The following GABRG3 variants were observed in gnomAD, a reference collection of about 807,000 sequenced individuals.
GABRG3 encodes gamma-aminobutyric acid type A receptor subunit gamma3.
In GABRG3, 25 loss-of-function variants were observed where a neutral mutation model predicts 48.8. That is an observed-to-expected ratio of 0.51 (90% CI 0.37 to 0.72). GABRG3 has a LOEUF of 0.72. Ranked by LOEUF, GABRG3 falls within the 30% of genes least tolerant of loss-of-function variation. The pLI, the probability that GABRG3 is intolerant of heterozygous loss-of-function variation, is 0.00. For missense variants in GABRG3, 394 were observed against 577.9 expected, an observed-to-expected ratio of 0.68 and a Z score of 3.26; for synonymous variants, 227 against 217.6, an observed-to-expected ratio of 1.04 and a Z score of -0.38.
intron 3 of GABRG3, among the ~76,000 whole-genome samples, chr15:27,137,014 C>T (rs1207883749): frequency 1.3e-5 from 2 of 152,334 alleles, no homozygotes; most frequent in East Asian, 3.9e-4. Context: ...CTGAACCAAG[C>T]CCCAGCTCTC....
intron 3 of GABRG3, among the ~76,000 whole-genome samples, chr15:27,033,698 A>G (rs185743753): frequency 1.1e-4 from 17 of 152,252 alleles, no homozygotes; most frequent in African/African-American, 3.6e-4. Flanking sequence ...TAAGAGGATG[A>G]TGGTCTTATA....
chr15:27,298,577 AC>A (rs1360835420), intron 3 of GABRG3, among the ~76,000 whole-genome samples: 1 of 152,026 alleles, frequency 6.6e-6, no homozygotes, highest in Non-Finnish European at 1.5e-5. Context: ...GGGATATTTA[AC>A]CTTTTATTTG....
At chr15:27,282,089 TATC>T (rs1302894596) in intron 3 of GABRG3, among the ~76,000 whole-genome samples, 1 of 152,200 alleles carries the variant, frequency 6.6e-6, no homozygotes, top group Non-Finnish European at 1.5e-5. Flanking sequence ...AGAAACCTGT[TATC>T]ATCCAAATCA....
chr15:27,214,317 G>A (rs1377196642), intron 3 of GABRG3, among the ~76,000 whole-genome samples: 1 of 152,258 alleles, frequency 6.6e-6, no homozygotes, highest in Non-Finnish European at 1.5e-5. Context: ...ATGGCCATGA[G>A]ATGCCGACAA....
chr15:26,998,645 AT>A (rs1236028469), intron 2 of GABRG3, among the ~76,000 whole-genome samples: 2 of 152,194 alleles, frequency 1.3e-5, no homozygotes, highest in African/African-American at 4.8e-5. Flanking sequence ...CTTCTGAAAA[AT>A]GGGGCTGGAG....
chr15:27,397,546 T>C (rs1004295524), intron 5 of GABRG3, among the ~76,000 whole-genome samples: 1 of 152,100 alleles, frequency 6.6e-6, no homozygotes, highest in Non-Finnish European at 1.5e-5. Context: ...ACACCATACT[T>C]CCTCTGCCAG....
intron 9 of GABRG3, among the ~76,000 whole-genome samples, chr15:27,529,719 A>C (rs1234101385): frequency 6.6e-6 from 1 of 152,128 alleles, no homozygotes; most frequent in Non-Finnish European, 1.5e-5. Context: ...TGGGACCAAA[A>C]CAGAGGGGAG....
rs180784664 is a variant in GABRG3, at chr15:27,369,337, C to T, written c.574+40449C>T. Among the ~76,000 whole-genome samples, 37 of 152,272 alleles carry T rather than the reference C, an allele frequency of 2.4e-4. No individual in the cohort carries two copies. In the East Asian group the frequency reaches 2.7e-3, roughly 11 times the overall value. On this transcript the variant is annotated intron_variant, in intron 5 of 9. Transcript: ENST00000615808. ...TAAATGACCTTTCAATTAAGGAGAA[C>T]GTGAAGGATAACGAGGAAAATTGCC...
intron 5 of GABRG3, among the ~76,000 whole-genome samples, chr15:27,440,707 G>A (rs1888758426): frequency 6.6e-6 from 1 of 152,162 alleles, no homozygotes; most frequent in South Asian, 2.1e-4. Flanking sequence ...CTATTTTACA[G>A]TTACAGTAGC....
intron 5 of GABRG3, among the ~76,000 whole-genome samples, chr15:27,343,675 G>A (rs1894267123): frequency 6.6e-6 from 1 of 152,188 alleles, no homozygotes; most frequent in Admixed American, 6.5e-5. Context: ...AACTAAGTGG[G>A]TGGTTAGCTC....
intron 5 of GABRG3, among the ~76,000 whole-genome samples, chr15:27,477,542 C>T (rs1889976181): frequency 6.6e-6 from 1 of 152,024 alleles, no homozygotes; most frequent in Admixed American, 6.6e-5. Flanking sequence ...ACGTGCAACA[C>T]CAAAAGGAAA....
intron 3 of GABRG3, among the ~76,000 whole-genome samples, chr15:27,190,745 T>G (rs2140422336): frequency 6.6e-6 from 1 of 152,280 alleles, no homozygotes; most frequent in East Asian, 1.9e-4. Flanking sequence ...GCTCTGATTT[T>G]AGTTATTTCT....
chr15:27,138,520 A>G lies in GABRG3; in HGVS notation c.270+111699A>G, dbSNP rs1270700831. Among the ~76,000 whole-genome samples the G allele has an allele frequency of 2.0e-5, 3 of 152,320 alleles. No individual in the cohort carries two copies. In the East Asian group the frequency reaches 5.8e-4, roughly 29 times the overall value. On this transcript the variant is annotated intron_variant, in intron 3 of 9. Transcript: ENST00000615808. ...CCAAAAGTTTGTAAAATATGTCTCC[A>G]CAGAGTTCTTTACACATGAGTTCTG...
intron 3 of GABRG3, among the ~76,000 whole-genome samples, chr15:27,094,200 A>G (rs1326023297): frequency 2.6e-5 from 4 of 152,122 alleles, no homozygotes; most frequent in African/African-American, 9.7e-5. Flanking sequence ...TTTCCATTTT[A>G]GAGTGAAGGC....
intron 3 of GABRG3, among the ~76,000 whole-genome samples, chr15:27,166,469 C>A (rs574151233): frequency 6.6e-6 from 1 of 152,158 alleles, no homozygotes; most frequent in Admixed American, 6.5e-5. Context: ...CTTCTTCTTC[C>A]AAGCTTGAGA....
intron 2 of GABRG3, among the ~76,000 whole-genome samples, chr15:26,991,867 C>A (rs899371605): frequency 6.6e-6 from 1 of 151,980 alleles, no homozygotes; most frequent in Non-Finnish European, 1.5e-5. Context: ...ACTACAGGTG[C>A]CCGCCACCAT....
intron 5 of GABRG3, among the ~76,000 whole-genome samples, chr15:27,381,257 G>A (rs1895766955): frequency 6.6e-6 from 1 of 152,200 alleles, no homozygotes; most frequent in Non-Finnish European, 1.5e-5. Context: ...AGATGATGGT[G>A]AAACAGTTTA....
At position 27,476,837 on chromosome 15, in the gene GABRG3, C is replaced by T. The variant is rs1307038332; in HGVS notation, c.575-3813C>T. On this transcript the variant is annotated intron_variant, in intron 5 of 9. Coordinates refer to ENST00000615808, the MANE Select transcript of GABRG3 (RefSeq NM_033223.5). ...ATCTAAGAATGTCAACAAATCCCAACGAACTTAATGAGATTGACATCTGTA... is the reference window on the plus strand; with the variant it reads ...ATCTAAGAATGTCAACAAATCCCAATGAACTTAATGAGATTGACATCTGTA... Among the ~76,000 whole-genome samples the T allele has an allele frequency of 3.3e-5, 5 of 152,104 alleles. No homozygotes were observed. In the South Asian group the frequency reaches 1.0e-3, roughly 32 times the overall value.
intron 2 of GABRG3, among the ~76,000 whole-genome samples, chr15:26,982,688 C>A (rs1317735013): frequency 6.6e-6 from 1 of 152,166 alleles, no homozygotes; most frequent in Non-Finnish European, 1.5e-5. Context: ...AACAAGTGTT[C>A]ATTTCAAAGA....
Sources: allele counts gnomAD v4.1 joint callset (sites outside exome capture counted in the v4.1 genomes callset), GRCh38; gene constraint gnomAD v4.1.1; transcripts MANE v1.5; gene names NCBI Gene and HGNC (gene_info 2026-07-23, HGNC 2026-07-21).